NCKAP1L: variants seen among roughly 807,000 people sequenced by gnomAD.
NCKAP1L encodes the protein nck-associated protein 1-like.
NCKAP1L carries 53 observed loss-of-function variants against 139.2 expected under a neutral mutation model. The ratio of observed to expected loss-of-function variants is 0.38; its 90% confidence interval spans 0.31 to 0.48. The LOEUF is 0.48. Ranked by LOEUF, NCKAP1L falls within the 20% of genes least tolerant of loss-of-function variation. NCKAP1L has a pLI of 0.98. For synonymous variants in NCKAP1L, 468 were observed against 499.7 expected (o/e 0.94, Z 0.85); for missense variants, 1,151 against 1,381.9 (o/e 0.83, Z 2.65).
chr12:54,534,215 C>T (rs750167106), intron 26 of NCKAP1L, among the ~76,000 whole-genome samples: 1 of 152,196 alleles, frequency 6.6e-6, no homozygotes, highest in African/African-American at 2.4e-5. Context: ...CTAATTTAAT[C>T]TTCACAACAA....
rs1956762383 is a variant in NCKAP1L at position 54,497,752 on chromosome 12, A to AT, written c.-38_-37insT. On this transcript the variant is annotated 5_prime_UTR_variant, in exon 1 of 31. The change creates a new upstream start codon in the 5' untranslated region. Coordinates refer to ENST00000293373, the MANE Select transcript of NCKAP1L (RefSeq NM_005337.5). ...TAAGCTGAAAGTGTTTGGGGAGATC[A>AT]GACATTGCTGTCTGGTGCTCCTCTC... 7.2e-7 allele frequency: 1 copy of AT among 1,393,026 alleles called. No individual in the cohort carries two copies. Among genetic ancestry groups the AT allele is most frequent in the East Asian group, 2.3e-5 (1 of 43,850 alleles). 86.3% of individuals were successfully genotyped at this position (1,393,026 alleles called of 1,614,324 possible).
intron 30 of NCKAP1L, among the ~76,000 whole-genome samples, chr12:54,539,283 A>G (rs1323060854): frequency 2.0e-5 from 3 of 152,184 alleles, no homozygotes; most frequent in South Asian, 2.1e-4. Context: ...GTTATTGGTA[A>G]TTACCTGTCC....
chr12:54,499,741 A>G (rs562117657), intron 2 of NCKAP1L, among the ~76,000 whole-genome samples: 13 of 152,252 alleles, frequency 8.5e-5, no homozygotes, highest in East Asian at 3.9e-4. Flanking sequence ...TTTTTGTACA[A>G]GACAGCTCTA....
chr12:54,542,958 A>G lies in NCKAP1L; in HGVS notation c.*273A>G, dbSNP rs528881664. The G allele has an allele frequency of 1.4e-5, 5 of 354,928 alleles. No individual in the cohort carries two copies. In the South Asian group the frequency reaches 2.8e-4, roughly 20 times the overall value. 22.0% of individuals were successfully genotyped at this position (354,928 alleles called of 1,614,324 possible). A position where few individuals can be genotyped will look rare whatever the true frequency, so the allele number is the denominator to read the frequency against. ...GAATTTTACAATGAAAAAAGGAGTA[A>G]CGTACAAGTATATTTTCTATCTTCT... On this transcript the variant is annotated 3_prime_UTR_variant, in exon 31 of 31. Coordinates refer to ENST00000293373, the MANE Select transcript of NCKAP1L (RefSeq NM_005337.5).
At chr12:54,511,405 T>C (rs886387492) in intron 7 of NCKAP1L, among the ~76,000 whole-genome samples, 3 of 152,204 alleles carry the variant, frequency 2.0e-5, no homozygotes, top group African/African-American at 7.2e-5. Context: ...AAATAAAAGT[T>C]AGTTTTTTAA....
At chr12:54,507,211 G>T (rs573373971) in intron 3 of NCKAP1L, among the ~76,000 whole-genome samples, 1 of 152,030 alleles carries the variant, frequency 6.6e-6, no homozygotes, top group Admixed American at 6.6e-5. Flanking sequence ...TTACCTGGGC[G>T]TTCTGCAGGA....
chr12:54,497,760 C>A lies in NCKAP1L; in HGVS notation c.-30C>A, dbSNP rs1290241540. The A allele has an allele frequency of 3.5e-6, 5 of 1,412,278 alleles. No homozygotes were observed. In the African/African-American group the frequency reaches 4.2e-5, roughly 12 times the overall value. 87.5% of individuals were successfully genotyped at this position (1,412,278 alleles called of 1,614,324 possible). A position where few individuals can be genotyped will look rare whatever the true frequency, so the allele number is the denominator to read the frequency against. ...AAGTGTTTGGGGAGATCAGACATTG[C>A]TGTCTGGTGCTCCTCTCTCAGTGGC... is the stretch of plus-strand genomic sequence containing the variant. On this transcript the variant is annotated 5_prime_UTR_variant, in exon 1 of 31. The change creates a new upstream start codon in the 5' untranslated region. Coordinates refer to ENST00000293373, the MANE Select transcript of NCKAP1L (RefSeq NM_005337.5).
In NCKAP1L at chr12:54,533,249, T is replaced by C. The variant is rs182418513; in HGVS notation, c.2862+999T>C. On this transcript the variant is annotated intron_variant, in intron 26 of 30. Transcript: ENST00000293373. ...AGGAGCTTGTCTAGCTGATATCTCC[T>C]GGGTAGCTCCAATCTTTAGGCTCTG... is the stretch of plus-strand genomic sequence containing the variant. Among the ~76,000 whole-genome samples the C allele has an allele frequency of 4.2e-3, 635 of 152,292 alleles. 4 individuals are homozygous for C. Among genetic ancestry groups the C allele is most frequent in the African/African-American group, 0.015 (619 of 41,550 alleles).
chr12:54,543,635 G>C lies in NCKAP1L; in HGVS notation c.*950G>C, dbSNP rs1957176800. 6.6e-6 allele frequency: 1 copy of C among 152,202 alleles called. No individual in the cohort carries two copies. Among genetic ancestry groups the C allele is most frequent in the South Asian group, 2.1e-4 (1 of 4,830 alleles). 9.4% of individuals were successfully genotyped at this position (152,202 alleles called of 1,614,324 possible). On this transcript the variant is annotated 3_prime_UTR_variant, in exon 31 of 31. Coordinates refer to ENST00000293373, the MANE Select transcript of NCKAP1L (RefSeq NM_005337.5). ...ATCTTAAATTTCACAGACCTCATTA[G>C]GTTGTATGGCCCTGAGAGTGGGTAT...
intron 3 of NCKAP1L, chr12:54,500,837 A>G (rs370060050): frequency 2.4e-6 from 1 of 418,594 alleles, no homozygotes; most frequent in Non-Finnish European, 4.3e-6. Flanking sequence ...GTATGTATGT[A>G]TATGTATTTA....
At chr12:54,531,431 G>T (rs183583217) in intron 23 of NCKAP1L, 60 bp from the exon 24 acceptor site, 1 of 1,604,998 alleles carries the variant, frequency 6.2e-7, no homozygotes, top group East Asian at 2.2e-5. Context: ...GACTGGGGGG[G>T]AAGATGTAAC....
rs762179225 is a variant in NCKAP1L at position 54,531,866 on chromosome 12, C to A, written c.2781+41C>A. 76 of 1,430,550 alleles carry A rather than the reference C, an allele frequency of 5.3e-5. 1 individual carries two copies. The South Asian group carries it at 8.2e-4, about 15-fold the overall frequency. 88.6% of individuals were successfully genotyped at this position (1,430,550 alleles called of 1,614,324 possible). ...GGGGTCTGTCACAGAGTCACAGATA[C>A]CTCTGTGGGTAGGGTTTGTATGATA... On this transcript the variant is annotated intron_variant, in intron 25 of 30. Coordinates refer to ENST00000293373, the MANE Select transcript of NCKAP1L (RefSeq NM_005337.5).
chr12:54,528,472 AAAGTAATTTTTG>A, intron 22 of NCKAP1L, 95 bp downstream of exon 22: 1 of 1,477,430 alleles, frequency 6.8e-7, no homozygotes. Context: ...GGTTGGTGCA[AAAGTAATTTTTG>A]CAATTACTTT....
chr12:54,529,336 T>C (rs1413900019), intron 22 of NCKAP1L, among the ~76,000 whole-genome samples: 1 of 152,182 alleles, frequency 6.6e-6, no homozygotes, highest in Admixed American at 6.5e-5. Context: ...TGGGAAGCCT[T>C]TCCCTTTCTC....
rs1469984631 is a variant in NCKAP1L, at chr12:54,546,958, A to C, written c.*4273A>C. On this transcript the variant is annotated 3_prime_UTR_variant, in exon 31 of 31. Transcript: ENST00000293373. Reference sequence around the variant, plus strand: ...TCCATCCGTCACCTACTGCCAAAGCATCATTTTTGGTTTCTATCAAACTCA... The same window carrying C: ...TCCATCCGTCACCTACTGCCAAAGCCTCATTTTTGGTTTCTATCAAACTCA... The C allele has an allele frequency of 6.6e-6, 1 of 152,132 alleles. No homozygotes were observed. The highest frequency in any genetic ancestry group is 1.5e-5 in the Non-Finnish European group (1 of 68,036). 9.4% of individuals were successfully genotyped at this position (152,132 alleles called of 1,614,324 possible).
Position 54,519,239 on chromosome 12 carries a change from T to C in NCKAP1L, c.1532T>C (p.Leu511Ser). Reference protein sequence around the residue: ...APLHLHENPDLAKVMNLIVFH... With the variant: ...APLHLHENPDSAKVMNLIVFH... ...CTGCACCTGCATGAGAACCCTGACT[T>C]AGCCAAGGTGATGAACCTCATTGTC... Residue 511 changes from leucine to serine, a missense_variant, in exon 16 of 31, where the codon TTA becomes TCA. Leu to Ser is a moderately radical substitution (Grantham distance 145). Transcript: ENST00000293373. 1 of 1,584,584 alleles carries C rather than the reference T, an allele frequency of 6.3e-7. No individual in the cohort carries two copies. The highest frequency in any genetic ancestry group is 8.5e-7 in the Non-Finnish European group (1 of 1,171,918).
Position 54,508,513 on chromosome 12 carries a change from A to C in NCKAP1L, c.488A>C (p.Glu163Ala). 1 of 1,614,122 alleles carries C rather than the reference A, an allele frequency of 6.2e-7. No individual in the cohort carries two copies. The highest frequency in any genetic ancestry group is 8.5e-7 in the Non-Finnish European group (1 of 1,179,948). Residue 163 changes from glutamate (E) to alanine (A), a missense_variant, in exon 5 of 31, where the codon GAG becomes GCG. Transcript: ENST00000293373. ...ATTGGCATGTACAATTGTGCCCATG[A>C]GATGCTGCATGGGCATGGGTGAGTT... ...ILIGMYNCAH[E>A]MLHGHGDPSF...
At position 54,507,836 on chromosome 12, in the gene NCKAP1L, TTCACTTCCACCCCCAGGA is replaced by T. The variant is rs1956854810; in HGVS notation, c.307-13_311del. 6.2e-7 allele frequency: 1 copy of T among 1,612,284 alleles called. No homozygotes were observed. On this transcript the variant is annotated splice_acceptor_variant and splice_polypyrimidine_tract_variant and coding_sequence_variant and intron_variant, in exon 4 of 31. Coordinates refer to ENST00000293373, the MANE Select transcript of NCKAP1L (RefSeq NM_005337.5). LOFTEE classifies it high-confidence loss of function. Reference sequence around the variant, plus strand: ...CTTTGATTTTTTATTAATTCTTGTCTTCACTTCCACCCCCAGGATCATGTATATGAACTTCTCAACACC... The same window carrying T: ...CTTTGATTTTTTATTAATTCTTGTCTTCATGTATATGAACTTCTCAACACC...
chr12:54,536,697 C>A (rs2120972178), intron 28 of NCKAP1L: 2 of 375,654 alleles, frequency 5.3e-6, no homozygotes, highest in South Asian at 6.9e-5. Flanking sequence ...GAACAAAACA[C>A]CAAAACACCC....
Sources: gnomAD v4.1 joint callset for allele counts (sites outside exome capture counted in the v4.1 genomes callset) on GRCh38, gnomAD v4.1.1 for gene constraint, MANE v1.5 for transcripts, NCBI Gene and HGNC (gene_info 2026-07-23, HGNC 2026-07-21) for gene names.